Variants in FRMPD4 observed in about 807,000 individuals in gnomAD.
FRMPD4 encodes the protein FERM and PDZ domain containing 4, also known as FERM and PDZ domain-containing protein 4.
Under a neutral mutation model 94.1 loss-of-function variants are expected in FRMPD4, and 22 were observed. The ratio of observed to expected loss-of-function variants is 0.23; its 90% CI spans 0.17 to 0.33. The LOEUF (loss-of-function observed/expected upper bound fraction) is 0.33, where lower values mean the gene tolerates loss of function less well. Among genes scored for constraint, FRMPD4 ranks in the 10% least tolerant of loss-of-function variants. The pLI, the probability that FRMPD4 is intolerant of heterozygous loss-of-function variation, is 1.00. For synonymous variants in FRMPD4, 631 were observed against 548.6 expected (o/e 1.15, Z -2.10); for missense variants, 1,111 against 1,339.9 (o/e 0.83, Z 2.67).
At chrX:12,180,889 T>C (rs1398612010) in intron 1 of FRMPD4, among the ~76,000 whole-genome samples, 2 of 112,459 alleles carry the variant, frequency 1.8e-5, no homozygotes, top group African/African-American at 6.5e-5. Context: ...ATCCCTGGTT[T>C]AAAGAGTCAG....
intron 1 of FRMPD4, among the ~76,000 whole-genome samples, chrX:12,237,354 G>A (rs1341562619): frequency 8.9e-6 from 1 of 111,899 alleles, no homozygotes; most frequent in Non-Finnish European, 1.9e-5. Context: ...GTCTGCCAGA[G>A]AAGGATCATT....
intron 1 of FRMPD4, among the ~76,000 whole-genome samples, chrX:12,496,853 G>A (rs2057855621): frequency 9.0e-6 from 1 of 111,544 alleles, no homozygotes; most frequent in African/African-American, 3.3e-5. Flanking sequence ...CACTTCATTT[G>A]GTATTTTATG....
intron 1 of FRMPD4, among the ~76,000 whole-genome samples, chrX:12,193,440 G>C (rs887874567): frequency 9.1e-6 from 1 of 109,301 alleles, no homozygotes; most frequent in African/African-American, 3.3e-5. Flanking sequence ...ATGCCTTTTG[G>C]AGAACATAGG....
intron 2 of FRMPD4, among the ~76,000 whole-genome samples, chrX:12,576,691 G>C (rs1000559240): frequency 2.7e-5 from 3 of 112,739 alleles, no homozygotes; most frequent in African/African-American, 9.7e-5. Context: ...TGGGATCCTG[G>C]GGTATTCGGA....
At chrX:11,961,371 G>T (rs1044425509) in intron 3 of FRMPD4, among the ~76,000 whole-genome samples, 4 of 112,214 alleles carry the variant, frequency 3.6e-5, no homozygotes, top group African/African-American at 1.3e-4. Flanking sequence ...CTCTAGCCTT[G>T]GTGTCCTCAC....
At chrX:12,266,799 T>G (rs2054283788) in intron 1 of FRMPD4, among the ~76,000 whole-genome samples, 1 of 112,221 alleles carries the variant, frequency 8.9e-6, no homozygotes, top group Non-Finnish European at 1.9e-5. Flanking sequence ...CCTACGATTG[T>G]ATATTCAGAG....
chrX:12,673,821 C>G (rs962807675), intron 4 of FRMPD4, among the ~76,000 whole-genome samples: 1 of 111,290 alleles, frequency 9.0e-6, no homozygotes, highest in Non-Finnish European at 1.9e-5. Flanking sequence ...CTCTTGATTC[C>G]TCTCTTCCCC....
chrX:11,924,303 G>C (rs994848494), intron 3 of FRMPD4, among the ~76,000 whole-genome samples: 1 of 111,846 alleles, frequency 8.9e-6, no homozygotes, highest in East Asian at 2.8e-4. Flanking sequence ...GAAAGAGATG[G>C]AAAGAATGAA....
chrX:12,443,800 A>G (rs904269610), intron 1 of FRMPD4, among the ~76,000 whole-genome samples: 4 of 111,901 alleles, frequency 3.6e-5, no homozygotes, highest in Non-Finnish European at 7.5e-5. Flanking sequence ...CTTTTTGTGG[A>G]AAAAAACACA....
chrX:12,479,423 C>T (rs1381253231), intron 1 of FRMPD4, among the ~76,000 whole-genome samples: 3 of 25,889 alleles, frequency 1.2e-4, no homozygotes, highest in Non-Finnish European at 3.2e-4. Flanking sequence ...TACATATATA[C>T]GTATATATAT....
chrX:12,590,286 C>T (rs1051749870), intron 2 of FRMPD4, among the ~76,000 whole-genome samples: 2 of 112,225 alleles, frequency 1.8e-5, no homozygotes, highest in African/African-American at 6.5e-5. Flanking sequence ...TAATTATCGA[C>T]ATTGCATTTT....
intron 1 of FRMPD4, among the ~76,000 whole-genome samples, chrX:11,838,071 C>G (rs1569107308): frequency 9.0e-6 from 1 of 110,936 alleles, no homozygotes; most frequent in African/African-American, 3.3e-5. Context: ...GTTGAAGACA[C>G]TTTTTTTTAC....
At position 12,138,541 on chromosome X, in the gene FRMPD4, G is replaced by A. The variant is rs2055633484; in HGVS notation, c.-431G>A. 3 of 230,838 alleles carry A rather than the reference G, an allele frequency of 1.3e-5. No individual in the cohort carries two copies. In the East Asian group the frequency reaches 2.1e-4, roughly 16 times the overall value. The allele number at this position is 230,838 out of a possible 1,213,427, so 19.0% of individuals were successfully genotyped here. ...CCTGCCGTCTCCCGGCTCCGTCTGC[G>A]CTCCTCGGTGCGTGGGGCACGAGGG... is the stretch of plus-strand genomic sequence containing the variant. On this transcript the variant is annotated 5_prime_UTR_variant, in exon 1 of 17. Coordinates refer to ENST00000675598, the MANE Select transcript of FRMPD4 (RefSeq NM_001368397.1).
chrX:12,036,334 T>C (rs1003692619), intron 3 of FRMPD4, among the ~76,000 whole-genome samples: 5 of 111,860 alleles, frequency 4.5e-5, no homozygotes, highest in Non-Finnish European at 9.4e-5. Flanking sequence ...AAAATGACAA[T>C]GTCATAAAAG....
At chrX:12,127,837 T>G (rs1012599845) in intron 3 of FRMPD4, among the ~76,000 whole-genome samples, 78 of 112,710 alleles carry the variant, frequency 6.9e-4, no homozygotes, top group African/African-American at 2.4e-3. Flanking sequence ...TGGGAGAAAT[T>G]GGCCAAAACA....
intron 1 of FRMPD4, among the ~76,000 whole-genome samples, chrX:12,281,735 A>G (rs761048126): frequency 8.9e-6 from 1 of 111,936 alleles, no homozygotes; most frequent in Non-Finnish European, 1.9e-5. Context: ...TTTTAATATT[A>G]GTAATGGGAT....
intron 3 of FRMPD4, among the ~76,000 whole-genome samples, chrX:11,944,430 AAC>A (rs2054178233): frequency 8.9e-6 from 1 of 111,997 alleles, no homozygotes; most frequent in Non-Finnish European, 1.9e-5. Context: ...CCTTTCTTGT[AAC>A]ACAGATTTTA....
chrX:11,942,692 AT>A (rs1228828931), intron 3 of FRMPD4, among the ~76,000 whole-genome samples: 1 of 112,146 alleles, frequency 8.9e-6, no homozygotes, highest in African/African-American at 3.2e-5. Context: ...CACAAGATCA[AT>A]TTTTTATTGT....
rs144573054 is a variant in FRMPD4, at chrX:12,178,043, A to G, written c.41+39031A>G. On this transcript the variant is annotated intron_variant, in intron 1 of 16. Transcript: ENST00000675598. The stretch of plus-strand genomic sequence containing the variant: ...GAAACCTAACCTCCAAGGAGATAGT[A>G]TTAAAAGGTGGGGCCTTTGGGAGGT... Among the ~76,000 whole-genome samples the G allele has an allele frequency of 5.6e-3, 622 of 111,557 alleles. 1 individual carries two copies. The highest frequency in any genetic ancestry group is 0.019 in the African/African-American group (584 of 30,687).
Sources: allele counts gnomAD v4.1 joint callset (sites outside exome capture counted in the v4.1 genomes callset), GRCh38; gene constraint gnomAD v4.1.1; transcripts MANE v1.5; gene names NCBI Gene and HGNC (gene_info 2026-07-23, HGNC 2026-07-21).